Variants in TMEM128 observed in about 807,000 individuals in gnomAD.
TMEM128 encodes the protein transmembrane protein 128.
A neutral mutation model predicts 19.7 loss-of-function variants in TMEM128; 16 were observed. That is an observed-to-expected ratio of 0.81 (90% CI 0.55 to 1.23). The LOEUF (loss-of-function observed/expected upper bound fraction) is 1.23, where lower values mean the gene tolerates loss of function less well. Ranked by LOEUF, TMEM128 falls within the 50% of genes most tolerant of loss-of-function variation. TMEM128 has a pLI of 0.00. For synonymous variants in TMEM128, 98 were observed against 75.8 expected (o/e 1.29, Z -1.52); for missense variants, 237 against 200.8 (o/e 1.18, Z -1.09).
chr4:4,247,867 T>C, intron 1 of TMEM128: 1 of 1,429,568 alleles, frequency 7.0e-7, no homozygotes, highest in East Asian at 2.5e-5. Flanking sequence ...TGGTGGGTAT[T>C]TTTAATTTTA....
chr4:4,247,040 A>G (rs1218364390), intron 1 of TMEM128, among the ~76,000 whole-genome samples: 1 of 152,220 alleles, frequency 6.6e-6, no homozygotes, highest in East Asian at 1.9e-4. Flanking sequence ...CTGGGATTAC[A>G]GGCGTGAGCT....
chr4:4,241,434 T>C (rs184078155), intron 2 of TMEM128, among the ~76,000 whole-genome samples: 7 of 152,318 alleles, frequency 4.6e-5, no homozygotes, highest in African/African-American at 1.2e-4. Flanking sequence ...CCAGCTGGAC[T>C]TGGGGACTGA....
chr4:4,240,803 C>T (rs1414995459), intron 2 of TMEM128, among the ~76,000 whole-genome samples: 6 of 152,212 alleles, frequency 3.9e-5, no homozygotes, highest in African/African-American at 9.6e-5. Context: ...AGAGGCCGGG[C>T]GCAGTGGCTC....
intron 1 of TMEM128, chr4:4,247,700 A>G: frequency 1.3e-6 from 2 of 1,599,328 alleles, no homozygotes; most frequent in South Asian, 2.3e-5. Flanking sequence ...TGTCAGGTAT[A>G]CATATACCCA....
intron 2 of TMEM128, among the ~76,000 whole-genome samples, chr4:4,245,250 T>A (rs1355043929): frequency 6.6e-6 from 1 of 152,156 alleles, no homozygotes; most frequent in Non-Finnish European, 1.5e-5. Context: ...TAGGATATGA[T>A]TCCAACCCTC....
Position 4,246,256 on chromosome 4 carries a change from A to G in TMEM128, c.185T>C (p.Val62Ala), listed in dbSNP as rs1484297080. The G allele has an allele frequency of 2.5e-6, 4 of 1,612,950 alleles. No homozygotes were observed. Residue 62 changes from valine (V) to alanine (A), a missense_variant, in exon 2 of 5, where the codon GTG becomes GCG. Physicochemically the swap from Val to Ala is moderately conservative, Grantham distance 64. Coordinates refer to ENST00000382753, the MANE Select transcript of TMEM128 (RefSeq NM_001297551.2). ...TTTAAAGAAGTCAACATAATAGGTC[A>G]CAACAATGGATGCCAAAATCCAGAA... ...SGFWILASIV[V>A]TYYVDFFKTL...
chr4:4,242,183 T>C (rs73082052), intron 2 of TMEM128, among the ~76,000 whole-genome samples: 46,908 of 151,810 alleles, frequency 0.31, 7,852 homozygotes, highest in East Asian at 0.46. Flanking sequence ...GCTGGGATTA[T>C]AGGGGTCAGC....
chr4:4,238,186 T>C (rs1172225604), intron 3 of TMEM128, among the ~76,000 whole-genome samples: 1 of 152,214 alleles, frequency 6.6e-6, no homozygotes. Context: ...TAATAGGGGT[T>C]GACATGGCTT....
intron 3 of TMEM128, among the ~76,000 whole-genome samples, chr4:4,239,221 T>C (rs1717848111): frequency 6.6e-6 from 1 of 152,218 alleles, no homozygotes; most frequent in Non-Finnish European, 1.5e-5. Context: ...AAAAACCCTG[T>C]ATTTTTCATT....
At chr4:4,239,968 A>T (rs1717881762) in intron 3 of TMEM128, among the ~76,000 whole-genome samples, 1 of 152,242 alleles carries the variant, frequency 6.6e-6, no homozygotes, top group Admixed American at 6.5e-5. Context: ...GGGGGTTCCC[A>T]GTGTGCTGGC....
intron 1 of TMEM128, 26 bp downstream of exon 1, chr4:4,248,080 T>G: frequency 2.6e-6 from 4 of 1,534,680 alleles, no homozygotes; most frequent in Non-Finnish European, 3.5e-6. Context: ...TCTGAGAACC[T>G]CGGGGCGGCT....
At chr4:4,245,811 T>C (rs1246765229) in intron 2 of TMEM128, among the ~76,000 whole-genome samples, 3 of 152,046 alleles carry the variant, frequency 2.0e-5, no homozygotes, top group Non-Finnish European at 4.4e-5. Flanking sequence ...AATATATATA[T>C]ACGTGTATAC....
chr4:4,247,672 A>G, intron 1 of TMEM128: 1 of 1,614,030 alleles, frequency 6.2e-7, no homozygotes, highest in Non-Finnish European at 8.5e-7. Flanking sequence ...CCATTGGTAC[A>G]TACGAGTCGA....
chr4:4,247,917 G>A (rs1718259305), intron 1 of TMEM128, 189 bp downstream of exon 1: 9 of 1,429,376 alleles, frequency 6.3e-6, no homozygotes, highest in Non-Finnish European at 8.2e-6. Context: ...GCTCTCCAGA[G>A]AATTCTGAAG....
intron 2 of TMEM128, among the ~76,000 whole-genome samples, chr4:4,242,187 G>A (rs1398108754): frequency 1.3e-5 from 2 of 151,896 alleles, no homozygotes; most frequent in African/African-American, 4.8e-5. Context: ...GGATTATAGG[G>A]GTCAGCCACC....
chr4:4,244,747 G>A (rs1306840711), intron 2 of TMEM128, among the ~76,000 whole-genome samples: 1 of 152,122 alleles, frequency 6.6e-6, no homozygotes, highest in Non-Finnish European at 1.5e-5. Flanking sequence ...ACCATGGGAA[G>A]GCAGACCAGA....
At chr4:4,246,883 G>A (rs1317819557) in intron 1 of TMEM128, among the ~76,000 whole-genome samples, 1 of 152,024 alleles carries the variant, frequency 6.6e-6, no homozygotes, top group African/African-American at 2.4e-5. Flanking sequence ...GAGTACCTGG[G>A]ATTACAGGCG....
At chr4:4,247,303 G>A (rs963336050) in intron 1 of TMEM128, among the ~76,000 whole-genome samples, 16 of 152,154 alleles carry the variant, frequency 1.1e-4, no homozygotes, top group African/African-American at 3.6e-4. Context: ...CCACATCTGA[G>A]GTTTTGGGCC....
intron 1 of TMEM128, chr4:4,247,454 C>T (rs1328499847): frequency 9.2e-7 from 1 of 1,090,784 alleles, no homozygotes; most frequent in Non-Finnish European, 1.3e-6. Flanking sequence ...GGTTTTAAAA[C>T]ATATGAGATA....
Sources: allele counts gnomAD v4.1 joint callset (sites outside exome capture counted in the v4.1 genomes callset), GRCh38; gene constraint gnomAD v4.1.1; transcripts MANE v1.5; gene names NCBI Gene and HGNC (gene_info 2026-07-23, HGNC 2026-07-21).